Variants in TAOK1 observed in about 807,000 individuals in gnomAD.
TAOK1 encodes the protein serine/threonine-protein kinase TAO1.
A neutral mutation model predicts 138.3 loss-of-function variants in TAOK1; 21 were observed. That is an observed-to-expected ratio of 0.15 (90% CI 0.11 to 0.22). The LOEUF is 0.22. Ranked by LOEUF, TAOK1 falls within the 10% of genes least tolerant of loss-of-function variation. The pLI is 1.00. For missense variants in TAOK1, 651 were observed against 1,227.7 expected, an observed-to-expected ratio of 0.53 and a Z score of 7.02; for synonymous variants, 361 against 398.4, an observed-to-expected ratio of 0.91 and a Z score of 1.12.
At chr17:29,497,123 C>G (rs1214161502) in intron 11 of TAOK1, among the ~76,000 whole-genome samples, 1 of 151,570 alleles carries the variant, frequency 6.6e-6, no homozygotes, top group African/African-American at 2.4e-5. Context: ...CTATTTTTTC[C>G]CTCTAAATAT....
intron 10 of TAOK1, 90 bp from the exon 11 acceptor site, chr17:29,495,470 T>A (rs1473347087): frequency 3.7e-6 from 4 of 1,077,686 alleles, no homozygotes. Context: ...ATGCATTATC[T>A]ATCATAGGAT....
chr17:29,480,308 C>T (rs1027161383), intron 6 of TAOK1, 60 bp from the exon 7 acceptor site: 7 of 1,187,010 alleles, frequency 5.9e-6, no homozygotes, highest in Admixed American at 2.4e-5. Flanking sequence ...TTATTTTTAT[C>T]GTTTTAAACA....
chr17:29,506,094 C>T (rs1465847811), intron 13 of TAOK1, among the ~76,000 whole-genome samples: 2 of 152,124 alleles, frequency 1.3e-5, no homozygotes, highest in Non-Finnish European at 2.9e-5. Context: ...ACCATATGAT[C>T]CAGTAATTCC....
intron 6 of TAOK1, 196 bp from the exon 7 acceptor site, chr17:29,480,172 T>G: frequency 2.8e-6 from 1 of 362,312 alleles, no homozygotes; most frequent in Non-Finnish European, 4.9e-6. Flanking sequence ...TATTACTATA[T>G]GTTTATTTGA....
Position 29,451,656 on chromosome 17 carries a change from T to C in TAOK1, c.108T>C (p.His36=), listed in dbSNP as rs781498367. The C allele has an allele frequency of 3.1e-6, 5 of 1,613,648 alleles. No homozygotes were observed. The highest frequency in any genetic ancestry group is 2.2e-5 in the South Asian group (2 of 91,020). The change falls in exon 2 of 20, where the codon CAT becomes CAC. Residue 36 remains histidine, a synonymous_variant. Transcript: ENST00000261716. The part of the protein sequence containing the change: ...KLFTDLREIG[H]GSFGAVYFAR... ...TCACAGATCTCAGAGAAATTGGCCA[T>C]GGAAGCTTTGGAGCAGTGTATTTTG...
At position 29,547,412 on chromosome 17, in the gene TAOK1, T is replaced by C. The variant is rs1276208099; in HGVS notation, c.*4390T>C. The C allele has an allele frequency of 6.6e-6, 1 of 152,116 alleles. No homozygotes were observed. Among genetic ancestry groups the C allele is most frequent in the African/African-American group, 2.4e-5 (1 of 41,432 alleles). 9.4% of individuals were successfully genotyped at this position (152,116 alleles called of 1,614,324 possible). A position where few individuals can be genotyped will look rare whatever the true frequency, so the allele number is the denominator to read the frequency against. ...TCTTGCTTGCTAATAGTAAGTTCTT[T>C]GTGCACCTTCCACCACTTCTGAGCC... is the stretch of plus-strand genomic sequence containing the variant. On this transcript the variant is annotated 3_prime_UTR_variant, in exon 20 of 20. Transcript: ENST00000261716.
At chr17:29,505,889 C>T (rs708105) in intron 13 of TAOK1, among the ~76,000 whole-genome samples, 57,365 of 151,782 alleles carry the variant, frequency 0.38, 12,025 homozygotes, top group Non-Finnish European at 0.48. Flanking sequence ...GAGCTGAGAT[C>T]GTGCCACTGT....
chr17:29,398,531 T>C (rs1413108029), intron 1 of TAOK1, among the ~76,000 whole-genome samples: 1 of 150,004 alleles, frequency 6.7e-6, no homozygotes, highest in Non-Finnish European at 1.5e-5. Flanking sequence ...TCTTTTCTCT[T>C]TTCTTTTCTT....
At chr17:29,478,215 G>GTA in intron 5 of TAOK1, 36 bp from the exon 6 acceptor site, 1 of 1,495,700 alleles carries the variant, frequency 6.7e-7, no homozygotes, top group Non-Finnish European at 9.1e-7. Context: ...TAACAAAAAT[G>GTA]TTCTGTGTAT....
intron 1 of TAOK1, among the ~76,000 whole-genome samples, chr17:29,431,009 T>C (rs1216661629): frequency 1.3e-5 from 2 of 152,192 alleles, no homozygotes; most frequent in South Asian, 2.1e-4. Context: ...TGGGAGTGGA[T>C]ACCTATGCTG....
At chr17:29,525,606 G>T (rs1231830789) in intron 17 of TAOK1, among the ~76,000 whole-genome samples, 1 of 152,170 alleles carries the variant, frequency 6.6e-6, no homozygotes, top group Non-Finnish European at 1.5e-5. Context: ...TGTTGGCCCT[G>T]CTGGTCTTGA....
At chr17:29,468,647 A>G (rs549459176) in intron 3 of TAOK1, among the ~76,000 whole-genome samples, 8 of 151,700 alleles carry the variant, frequency 5.3e-5, no homozygotes, top group African/African-American at 1.9e-4. Flanking sequence ...TCCCAGGTTC[A>G]AGTAATTCTC....
intron 1 of TAOK1, among the ~76,000 whole-genome samples, chr17:29,420,085 C>T (rs554666231): frequency 3.8e-4 from 58 of 151,672 alleles, no homozygotes; most frequent in African/African-American, 1.3e-3. Context: ...CACTTTGTCA[C>T]CCAGGCTGGG....
At chr17:29,404,415 A>G (rs147675142) in intron 1 of TAOK1, among the ~76,000 whole-genome samples, 32 of 152,148 alleles carry the variant, frequency 2.1e-4, no homozygotes, top group Non-Finnish European at 3.1e-4. Context: ...ACCCAGCTCA[A>G]TCTCCCAAGG....
chr17:29,465,164 G>A (rs1342421336), intron 2 of TAOK1, among the ~76,000 whole-genome samples: 1 of 102,084 alleles, frequency 9.8e-6, no homozygotes, highest in Non-Finnish European at 1.8e-5. Context: ...TTTTGAGATG[G>A]ACTCTCACTC....
rs1486341580 is a variant in TAOK1, at chr17:29,490,209, T to C, written c.749+452T>C. Among the ~76,000 whole-genome samples, 8 of 152,212 alleles carry C rather than the reference T, an allele frequency of 5.3e-5. No homozygotes were observed. In the East Asian group the frequency reaches 1.2e-3, roughly 22 times the overall value. ...TGACTTTATCAAAATTACCAGGTAA[T>C]TAAAAATATTGGGATCACTCTAATT... On this transcript the variant is annotated intron_variant, in intron 9 of 19. Coordinates refer to ENST00000261716, the MANE Select transcript of TAOK1 (RefSeq NM_020791.4).
At chr17:29,538,991 C>T (rs2150777473) in intron 19 of TAOK1, among the ~76,000 whole-genome samples, 1 of 152,194 alleles carries the variant, frequency 6.6e-6, no homozygotes, top group Admixed American at 6.5e-5. Context: ...GGTGCAGTGG[C>T]TTACACTGTA....
chr17:29,504,597 G>T (rs1396558150), intron 13 of TAOK1, among the ~76,000 whole-genome samples: 2 of 152,042 alleles, frequency 1.3e-5, no homozygotes, highest in South Asian at 2.1e-4. Flanking sequence ...TTGAACCCAG[G>T]AGGCGGAGGT....
Position 29,412,051 on chromosome 17 carries a change from T to C in TAOK1, c.-95+21027T>C, listed in dbSNP as rs540983373. Among the ~76,000 whole-genome samples the C allele has an allele frequency of 4.0e-3, 607 of 151,842 alleles. 5 individuals carry two copies. The highest frequency in any genetic ancestry group is 2.6e-3 in the Non-Finnish European group (180 of 67,944). On this transcript the variant is annotated intron_variant, in intron 1 of 19. Transcript: ENST00000261716. Reference sequence around the variant, plus strand: ...TCTCTCTCTCTCTTTCTCTCTCTCTTTCTTTTTTTGAAACAGGATCTCACT... The same window carrying C: ...TCTCTCTCTCTCTTTCTCTCTCTCTCTCTTTTTTTGAAACAGGATCTCACT...
Sources: gnomAD v4.1 joint callset for allele counts (sites outside exome capture counted in the v4.1 genomes callset) on GRCh38, gnomAD v4.1.1 for gene constraint, MANE v1.5 for transcripts, NCBI Gene and HGNC (gene_info 2026-07-23, HGNC 2026-07-21) for gene names.